The following TRPC5OS variants were observed in gnomAD, a reference collection of about 807,000 sequenced individuals.
The protein encoded by TRPC5OS is TRPC5 opposite strand.
For synonymous variants in TRPC5OS, 30 were observed against 29.3 expected (o/e 1.02, Z -0.08); for missense variants, 64 against 79.3 (o/e 0.81, Z 0.73).
chrX:111,900,615 G>A lies in TRPC5OS; in HGVS notation c.-310-925G>A, dbSNP rs187265744. 3.5e-3 allele frequency among the ~76,000 whole-genome samples: 385 copies of A among 111,371 alleles called. 2 individuals carry two copies. Among genetic ancestry groups the A allele is most frequent in the African/African-American group, 0.012 (375 of 30,676 alleles). On this transcript the variant is annotated intron_variant, in intron 3 of 3. Coordinates refer to ENST00000635763, the MANE Select transcript of TRPC5OS (RefSeq NM_001195578.2). ...AAACTAATGTAGACCCTGAAGCTTC[G>A]GGGACTTTAAGTTTCAACTCAGCTC...
chrX:111,885,254 G>A (rs920093460), intron 1 of TRPC5OS, among the ~76,000 whole-genome samples: 2 of 112,497 alleles, frequency 1.8e-5, no homozygotes, highest in Non-Finnish European at 3.8e-5. Flanking sequence ...AAGGGCCTGG[G>A]CCTGTTTAAG....
At chrX:111,878,082 A>G (rs890345676) in intron 1 of TRPC5OS, among the ~76,000 whole-genome samples, 5 of 110,729 alleles carry the variant, frequency 4.5e-5, no homozygotes, top group Non-Finnish European at 9.4e-5. Context: ...CAGTGAGGAG[A>G]AGGGAAAGAG....
At chrX:111,899,832 TAAATC>T (rs1676444481) in intron 3 of TRPC5OS, among the ~76,000 whole-genome samples, 1 of 111,647 alleles carries the variant, frequency 9.0e-6, no homozygotes, top group African/African-American at 3.3e-5. Context: ...GTTTTTCTCT[TAAATC>T]AAACAAACAG....
intron 3 of TRPC5OS, among the ~76,000 whole-genome samples, chrX:111,898,084 A>AT (rs1925154948): frequency 9.1e-6 from 1 of 109,670 alleles, no homozygotes; most frequent in Admixed American, 9.8e-5. Context: ...TCTACTGAGT[A>AT]TATTGCGGTA....
intron 1 of TRPC5OS, among the ~76,000 whole-genome samples, chrX:111,892,211 T>C (rs1428978710): frequency 1.8e-5 from 2 of 112,341 alleles, no homozygotes; most frequent in Non-Finnish European, 3.8e-5. Context: ...CATGCTAGGA[T>C]GGTATGAAGT....
chrX:111,885,547 T>G (rs1924442641), intron 1 of TRPC5OS, among the ~76,000 whole-genome samples: 1 of 109,594 alleles, frequency 9.1e-6, no homozygotes, highest in African/African-American at 3.3e-5. Context: ...AAAGGGTTTT[T>G]TTTTTTTTTT....
At chrX:111,898,251 TTATATATATATA>T (rs58112324) in intron 3 of TRPC5OS, among the ~76,000 whole-genome samples, 2 of 92,420 alleles carry the variant, frequency 2.2e-5, no homozygotes, top group African/African-American at 7.8e-5. Context: ...GTAGGGGTTC[TTATATATATATA>T]TATATATATA....
intron 3 of TRPC5OS, among the ~76,000 whole-genome samples, chrX:111,898,556 A>G (rs1338787182): frequency 9.1e-6 from 1 of 109,645 alleles, no homozygotes; most frequent in African/African-American, 3.3e-5. Flanking sequence ...TTTCAAAGAC[A>G]CTTACTGATT....
chrX:111,878,385 C>G (rs1247836258), intron 1 of TRPC5OS, among the ~76,000 whole-genome samples: 1 of 111,302 alleles, frequency 9.0e-6, no homozygotes, highest in Non-Finnish European at 1.9e-5. Flanking sequence ...TGGCTGATCT[C>G]CCTGTTAGAC....
intron 1 of TRPC5OS, among the ~76,000 whole-genome samples, chrX:111,878,138 A>T (rs1033053861): frequency 9.9e-5 from 11 of 110,647 alleles, no homozygotes; most frequent in African/African-American, 3.6e-4. Flanking sequence ...CTCTTCTTGG[A>T]AGTTTTCCTG....
chrX:111,877,223 A>G (rs972710579), intron 1 of TRPC5OS, among the ~76,000 whole-genome samples: 2 of 111,794 alleles, frequency 1.8e-5, no homozygotes, highest in Non-Finnish European at 3.8e-5. Context: ...TAAAGAAGAT[A>G]TTTTGGAGAT....
At chrX:111,890,247 C>T (rs894777600) in intron 1 of TRPC5OS, among the ~76,000 whole-genome samples, 17 of 112,230 alleles carry the variant, frequency 1.5e-4, no homozygotes, top group Non-Finnish European at 3.2e-4. Context: ...GCAAGCTTGT[C>T]CAACCTGTGG....
At chrX:111,896,190 T>C in intron 2 of TRPC5OS, 94 bp downstream of exon 2, 1 of 111,143 alleles carries the variant, frequency 9.0e-6, no homozygotes. Context: ...TCATTTCTCC[T>C]TTCCTCAGGA....
At chrX:111,885,763 T>A (rs1357872280) in intron 1 of TRPC5OS, among the ~76,000 whole-genome samples, 1 of 111,072 alleles carries the variant, frequency 9.0e-6, no homozygotes, top group Admixed American at 9.6e-5. Context: ...TAAATCTATG[T>A]TTAAACTCAA....
intron 1 of TRPC5OS, among the ~76,000 whole-genome samples, chrX:111,887,936 C>T (rs1278954907): frequency 3.6e-5 from 4 of 111,520 alleles, no homozygotes; most frequent in Admixed American, 9.6e-5. Flanking sequence ...GAAAGTGATA[C>T]GTTTCTAAGA....
At chrX:111,881,466 G>A (rs1056837619) in intron 1 of TRPC5OS, among the ~76,000 whole-genome samples, 1 of 111,666 alleles carries the variant, frequency 9.0e-6, no homozygotes, top group Non-Finnish European at 1.9e-5. Context: ...GTGAGCCACT[G>A]GGCCTGGCCC....
rs1036486397 is a variant in TRPC5OS, at chrX:111,876,194, G to A, written c.-625G>A. The A allele has an allele frequency of 4.5e-5, 5 of 111,271 alleles. No individual in the cohort carries two copies. In the Admixed American group the frequency reaches 4.8e-4, roughly 11 times the overall value. 9.2% of individuals were successfully genotyped at this position (111,271 alleles called of 1,213,427 possible). On this transcript the variant is annotated 5_prime_UTR_variant, in exon 1 of 4. Transcript: ENST00000635763. ...AAAATTCCTACCATTAGAGAGGTAA[G>A]CCTTTGGATTACAGCTCTGATGTTT...
chrX:111,895,083 T>C (rs931920420), intron 1 of TRPC5OS, among the ~76,000 whole-genome samples: 1 of 111,983 alleles, frequency 8.9e-6, no homozygotes, highest in African/African-American at 3.2e-5. Context: ...GTGATAGAGG[T>C]ATGATTGGTT....
chrX:111,881,145 T>TA lies in TRPC5OS; in HGVS notation c.-546+4872_-546+4873insA, dbSNP rs201802293. On this transcript the variant is annotated intron_variant, in intron 1 of 3. Coordinates refer to ENST00000635763, the MANE Select transcript of TRPC5OS (RefSeq NM_001195578.2). ...TTGCTGTTGTTTTGTGATTTTCTTTTGTTTATTTTATTTTATTTTATTTTA... is the reference window on the plus strand; with the variant it reads ...TTGCTGTTGTTTTGTGATTTTCTTTTAGTTTATTTTATTTTATTTTATTTTA... 5.0e-3 allele frequency among the ~76,000 whole-genome samples: 473 copies of TA among 95,030 alleles called. 2 individuals carry two copies. The highest frequency in any genetic ancestry group is 0.025 in the African/African-American group (453 of 17,897). 82.5% of individuals were successfully genotyped at this position (95,030 alleles called of 115,157 possible). A position where few individuals can be genotyped will look rare whatever the true frequency, so the allele number is the denominator to read the frequency against.
Sources: gnomAD v4.1 joint callset for allele counts (sites outside exome capture counted in the v4.1 genomes callset) on GRCh38, gnomAD v4.1.1 for gene constraint, MANE v1.5 for transcripts, NCBI Gene and HGNC (gene_info 2026-07-23, HGNC 2026-07-21) for gene names.